The following SLC68A1 variants were observed in gnomAD, a reference collection of about 807,000 sequenced individuals.
SLC68A1 encodes the protein solute carrier family 68 member 1.
At chr10:102,471,426 A>G in the SLC68A1 span, 156 of 1,600,416 alleles carry the variant, frequency 9.7e-5, no homozygotes, top group Non-Finnish European at 1.3e-4. Flanking sequence ...GCCCCTCTAC[A>G]GCTGGGCTGG....
At chr10:102,473,047 C>G in the SLC68A1 span, 1 of 1,028,858 alleles carries the variant, frequency 9.7e-7, no homozygotes, top group Non-Finnish European at 1.5e-6. Context: ...AGGATGGTCT[C>G]CATTTCCCGA....
the SLC68A1 span, among the ~76,000 whole-genome samples, chr10:102,469,637 T>A: frequency 6.6e-6 from 1 of 151,650 alleles, no homozygotes; most frequent in Non-Finnish European, 1.5e-5. Context: ...ACCTCCGCCT[T>A]CGTGGTTCAA....
the SLC68A1 span, chr10:102,476,105 C>T: frequency 1.5e-6 from 2 of 1,335,416 alleles, no homozygotes; most frequent in Non-Finnish European, 1.9e-6. Context: ...GAGCTGTTGC[C>T]CAAAAAAATG....
chr10:102,467,234 C>T, the SLC68A1 span, among the ~76,000 whole-genome samples: 2 of 152,112 alleles, frequency 1.3e-5, no homozygotes, highest in Non-Finnish European at 2.9e-5. Flanking sequence ...CGAGGTTGTG[C>T]CATGTTGGCC....
chr10:102,467,226 A>T, the SLC68A1 span, among the ~76,000 whole-genome samples: 1 of 151,876 alleles, frequency 6.6e-6, no homozygotes. Context: ...AGTAGAGACG[A>T]GGTTGTGCCA....
At chr10:102,466,879 T>C in the SLC68A1 span, among the ~76,000 whole-genome samples, 1 of 152,216 alleles carries the variant, frequency 6.6e-6, no homozygotes, top group African/African-American at 2.4e-5. Context: ...AGGCGGACAT[T>C]GTGCTTTACA....
the SLC68A1 span, chr10:102,473,627 G>A: frequency 1.2e-5 from 20 of 1,614,032 alleles, no homozygotes; most frequent in Non-Finnish European, 1.7e-5. Context: ...CTGTGCCGGC[G>A]CTGGGGCGTC....
At chr10:102,464,789 C>CA in the SLC68A1 span, among the ~76,000 whole-genome samples, 42,932 of 120,616 alleles carry the variant, frequency 0.36, 8,007 homozygotes, top group African/African-American at 0.4. Flanking sequence ...GACTCTGTCT[C>CA]AAAAAAAAAA....
At chr10:102,473,423 G>A in the SLC68A1 span, 1 of 838,358 alleles carries the variant, frequency 1.2e-6, no homozygotes. Context: ...TTAAGGGGCT[G>A]TGAAGATGAA....
chr10:102,474,513 G>A, the SLC68A1 span, among the ~76,000 whole-genome samples: 6 of 152,252 alleles, frequency 3.9e-5, no homozygotes, highest in South Asian at 4.2e-4. Flanking sequence ...TCAGTGAATC[G>A]CAGGCAGAGG....
the SLC68A1 span, chr10:102,471,491 G>T: frequency 6.6e-7 from 1 of 1,524,104 alleles, no homozygotes; most frequent in Non-Finnish European, 8.9e-7. Context: ...CACGCATGGT[G>T]GCTCATGCCT....
the SLC68A1 span, among the ~76,000 whole-genome samples, chr10:102,474,223 C>T: frequency 6.6e-6 from 1 of 152,200 alleles, no homozygotes; most frequent in Non-Finnish European, 1.5e-5. Context: ...GTACGGAATC[C>T]CTTCTCTGCA....
the SLC68A1 span, chr10:102,476,471 C>T: frequency 3.1e-6 from 3 of 979,848 alleles, no homozygotes; most frequent in East Asian, 1.1e-4. Flanking sequence ...TCCCAAAGTG[C>T]TGGGAATACA....
chr10:102,465,215 C>T, the SLC68A1 span, among the ~76,000 whole-genome samples: 4 of 143,082 alleles, frequency 2.8e-5, no homozygotes, highest in Admixed American at 6.9e-5. Context: ...GCCTAGATTG[C>T]GCCACTGCAC....
chr10:102,471,558 G>A, the SLC68A1 span, among the ~76,000 whole-genome samples: 2 of 152,134 alleles, frequency 1.3e-5, no homozygotes, highest in African/African-American at 4.8e-5. Context: ...ACAGGGGTTC[G>A]AGACCAGCCT....
chr10:102,476,426 A>T, the SLC68A1 span: 11 of 797,816 alleles, frequency 1.4e-5, no homozygotes, highest in Non-Finnish European at 1.5e-5. Flanking sequence ...GCTGGTCTCG[A>T]ACTCCTGACC....
chr10:102,472,963 C>A, the SLC68A1 span: 1 of 1,594,202 alleles, frequency 6.3e-7, no homozygotes, highest in African/African-American at 1.3e-5. Flanking sequence ...GAGTGTGGAC[C>A]TTGGGTGCTT....
At chr10:102,463,065 G>T in the SLC68A1 span, among the ~76,000 whole-genome samples, 1 of 151,976 alleles carries the variant, frequency 6.6e-6, no homozygotes, top group South Asian at 2.1e-4. Context: ...TGTTGATATT[G>T]ACCTTTTAGG....
chr10:102,461,688 G>C, the SLC68A1 span, among the ~76,000 whole-genome samples: 1 of 152,178 alleles, frequency 6.6e-6, no homozygotes, highest in Admixed American at 6.5e-5. Context: ...GGCTCTCCGG[G>C]GGTCTGGAGG....
Sources: allele counts gnomAD v4.1 joint callset (sites outside exome capture counted in the v4.1 genomes callset), GRCh38; gene constraint gnomAD v4.1.1; transcripts MANE v1.5; gene names NCBI Gene and HGNC (gene_info 2026-07-23, HGNC 2026-07-21).